MRTO4: variants seen among roughly 807,000 people sequenced by gnomAD.
The protein encoded by MRTO4 is MRT4 homolog, ribosome maturation factor.
A neutral mutation model predicts 28.6 loss-of-function variants in MRTO4; 7 were observed. The ratio of observed to expected loss-of-function variants is 0.24; its 90% CI spans 0.14 to 0.46. The LOEUF is 0.46. MRTO4 is among the 20% of genes least tolerant of loss of function. The pLI is 0.99. For missense variants in MRTO4, 302 were observed against 298.3 expected, an observed-to-expected ratio of 1.01 and a Z score of -0.09; for synonymous variants, 113 against 108.2, an observed-to-expected ratio of 1.04 and a Z score of -0.27.
chr1:19,258,904 T>C lies in MRTO4; in HGVS notation c.*74T>C. The C allele has an allele frequency of 6.7e-7, 1 of 1,487,174 alleles. No homozygotes were observed. Among genetic ancestry groups the C allele is most frequent in the South Asian group, 1.3e-5 (1 of 77,208 alleles). 92.1% of individuals were successfully genotyped at this position (1,487,174 alleles called of 1,614,324 possible). A position where few individuals can be genotyped will look rare whatever the true frequency, so the allele number is the denominator to read the frequency against. ...ACCATCAGGACTGCTGCCGCCCCTC[T>C]GGAGAGAGCAGCTTTTTATTTGTCT... On this transcript the variant is annotated 3_prime_UTR_variant, in exon 8 of 8. Coordinates refer to ENST00000330263, the MANE Select transcript of MRTO4 (RefSeq NM_016183.4).
In MRTO4 at chr1:19,258,944, T is replaced by C. The variant is rs2093675983; in HGVS notation, c.*114T>C. ...TTTATTTGTCTGTAGACAGGGAACA[T>C]GATGGGCACTGACCTCCTGTAAAGA... On this transcript the variant is annotated 3_prime_UTR_variant, in exon 8 of 8. Transcript: ENST00000330263. 8.1e-7 allele frequency: 1 copy of C among 1,235,596 alleles called. No homozygotes were observed. The highest frequency in any genetic ancestry group is 1.6e-5 in the South Asian group (1 of 63,568). The allele number at this position is 1,235,596 out of a possible 1,614,324, so 76.5% of individuals were successfully genotyped here.
chr1:19,257,348 C>T, intron 4 of MRTO4, 106 bp from the exon 5 acceptor site: 1 of 1,393,336 alleles, frequency 7.2e-7, no homozygotes, highest in Non-Finnish European at 1.0e-6. Context: ...CTATGACAAC[C>T]AAAAACGTCT....
In MRTO4 at chr1:19,257,475, G is replaced by A. The variant is rs1186454375; in HGVS notation, c.295G>A (p.Glu99Lys). The A allele has an allele frequency of 3.7e-6, 6 of 1,614,250 alleles. No individual in the cohort carries two copies. The highest frequency in any genetic ancestry group is 4.2e-6 in the Non-Finnish European group (5 of 1,180,038). Residue 99 changes from glutamate to lysine, a missense_variant, in exon 5 of 8, where the codon GAG becomes AAG. Physicochemically the swap from Glu to Lys is moderately conservative, Grantham distance 56. Coordinates refer to ENST00000330263, the MANE Select transcript of MRTO4 (RefSeq NM_016183.4). The part of the protein sequence containing the change: ...LHQVSKRLRG[E>K]VGLLFTNRTK... ...GTAGGTCAGCAAAAGGTTGAGGGGT[G>A]AGGTGGGTCTCCTGTTCACCAACCG...
chr1:19,252,437 C>T (rs2093663333), intron 1 of MRTO4, among the ~76,000 whole-genome samples: 1 of 152,212 alleles, frequency 6.6e-6, no homozygotes, highest in South Asian at 2.1e-4. Context: ...GTGGCTCACG[C>T]CTGTAATCCC....
At chr1:19,258,328 G>C in intron 6 of MRTO4, 149 bp from the exon 7 acceptor site, 1 of 966,440 alleles carries the variant, frequency 1.0e-6, no homozygotes, top group Middle Eastern at 3.0e-4. Context: ...GCAAATCAAA[G>C]GGACCTCAGG....
intron 5 of MRTO4, 45 bp from the exon 6 acceptor site, chr1:19,257,788 G>C (rs755950588): frequency 6.2e-7 from 1 of 1,601,734 alleles, no homozygotes; most frequent in South Asian, 1.1e-5. Context: ...TGGGCTGGTG[G>C]CGTGGCCAGG....
intron 7 of MRTO4, 21 bp from the exon 8 acceptor site, chr1:19,258,660 T>C: frequency 6.2e-7 from 1 of 1,614,102 alleles, no homozygotes; most frequent in Non-Finnish European, 8.5e-7. Context: ...CCTGATTCTT[T>C]GTTCCCTTTG....
chr1:19,252,020 G>A, intron 1 of MRTO4, 157 bp downstream of exon 1: 1 of 1,143,420 alleles, frequency 8.7e-7, no homozygotes, highest in Non-Finnish European at 1.2e-6. Flanking sequence ...GGGGCTTCGG[G>A]GCTGTAAAAC....
chr1:19,258,981 G>GCCACCGC lies in MRTO4; in HGVS notation c.*151_*152insCCACCGC. On this transcript the variant is annotated 3_prime_UTR_variant, in exon 8 of 8. Coordinates refer to ENST00000330263, the MANE Select transcript of MRTO4 (RefSeq NM_016183.4). ...ACCTCCTGTAAAGAATAAAACTGTG[G>GCCACCGC]GCCGGGCGCGGTGGCTCACGCCTGG... 1 of 1,020,576 alleles carries GCCACCGC rather than the reference G, an allele frequency of 9.8e-7. No homozygotes were observed. The highest frequency in any genetic ancestry group is 1.4e-6 in the Non-Finnish European group (1 of 726,540). The allele number at this position is 1,020,576 out of a possible 1,614,324, so 63.2% of individuals were successfully genotyped here.
At chr1:19,256,791 A>G (rs1168836749) in intron 3 of MRTO4, among the ~76,000 whole-genome samples, 3 of 152,188 alleles carry the variant, frequency 2.0e-5, no homozygotes, top group Non-Finnish European at 4.4e-5. Flanking sequence ...GGCTGTTAAC[A>G]TGCCTCCCGC....
intron 1 of MRTO4, 48 bp downstream of exon 1, chr1:19,251,911 C>T: frequency 6.4e-7 from 1 of 1,566,732 alleles, no homozygotes; most frequent in Non-Finnish European, 8.6e-7. Context: ...CGTGGGCTGG[C>T]TACCCAGCCT....
intron 6 of MRTO4, 108 bp downstream of exon 6, chr1:19,258,092 T>C: frequency 7.1e-7 from 1 of 1,400,650 alleles, no homozygotes; most frequent in Non-Finnish European, 9.5e-7. Context: ...GCTTCCATTT[T>C]CTCATGAGAA....
In MRTO4 at chr1:19,256,788, A is replaced by G. The variant is rs551005753; in HGVS notation, c.192-276A>G. Among the ~76,000 whole-genome samples the G allele has an allele frequency of 2.0e-5, 3 of 152,316 alleles. No homozygotes were observed. The East Asian group carries it at 5.8e-4, about 29-fold the overall frequency. ...CGCACCAGCTCTGGTTCAGGCTGTT[A>G]ACATGCCTCCCGCATACATCCAGAT... On this transcript the variant is annotated intron_variant, in intron 3 of 7. Coordinates refer to ENST00000330263, the MANE Select transcript of MRTO4 (RefSeq NM_016183.4).
At chr1:19,254,640 A>G (rs2093668803) in intron 1 of MRTO4, 142 bp from the exon 2 acceptor site, 1 of 732,934 alleles carries the variant, frequency 1.4e-6, no homozygotes, top group Admixed American at 2.2e-5. Context: ...TGTGCCAGAA[A>G]TGATGGCCAC....
At chr1:19,252,063 G>A (rs2093661970) in intron 1 of MRTO4, 200 bp downstream of exon 1, 1 of 750,268 alleles carries the variant, frequency 1.3e-6, no homozygotes, top group African/African-American at 1.8e-5. Context: ...GTCGGGTCTG[G>A]GGAGCGGAGA....
rs369593107 is a variant in MRTO4 at position 19,252,159 on chromosome 1, G to A, written c.28+296G>A. 5 of 450,690 alleles carry A rather than the reference G, an allele frequency of 1.1e-5. No individual in the cohort carries two copies. The East Asian group carries it at 1.9e-4, about 17-fold the overall frequency. 27.9% of individuals were successfully genotyped at this position (450,690 alleles called of 1,614,324 possible). A position where few individuals can be genotyped will look rare whatever the true frequency, so the allele number is the denominator to read the frequency against. On this transcript the variant is annotated intron_variant, in intron 1 of 7. Coordinates refer to ENST00000330263, the MANE Select transcript of MRTO4 (RefSeq NM_016183.4). The stretch of plus-strand genomic sequence containing the variant: ...AACACCGCCCCCGGCTATGCCTGCT[G>A]CCGTTTCGGCCCACTTTTCCCAACT...
At chr1:19,254,255 C>A (rs2093668293) in intron 1 of MRTO4, among the ~76,000 whole-genome samples, 1 of 152,072 alleles carries the variant, frequency 6.6e-6, no homozygotes, top group Admixed American at 6.5e-5. Context: ...TTCTGTGGTC[C>A]CAGCCAAAAT....
At chr1:19,254,961 T>A in intron 2 of MRTO4, 121 bp downstream of exon 2, 28 of 771,956 alleles carry the variant, frequency 3.6e-5, no homozygotes, top group Non-Finnish European at 5.2e-5. Context: ...AAAAAAAAAA[T>A]CTCCAAGCTG....
chr1:19,258,169 A>G (rs2151973680), intron 6 of MRTO4, among the ~76,000 whole-genome samples, 185 bp downstream of exon 6: 1 of 152,270 alleles, frequency 6.6e-6, no homozygotes, highest in East Asian at 1.9e-4. Context: ...GCCAAAATGC[A>G]GCCCTTGAGG....
Sources: gnomAD v4.1 joint callset for allele counts (sites outside exome capture counted in the v4.1 genomes callset) on GRCh38, gnomAD v4.1.1 for gene constraint, MANE v1.5 for transcripts, NCBI Gene and HGNC (gene_info 2026-07-23, HGNC 2026-07-21) for gene names.